The following FRMD5 variants were observed in gnomAD, a reference collection of about 807,000 sequenced individuals.
The protein encoded by FRMD5 is FERM domain containing 5.
A neutral mutation model predicts 69.0 loss-of-function variants in FRMD5; 20 were observed. The observed-to-expected ratio is 0.29, with a 90% confidence interval of 0.20 to 0.42. The LOEUF (loss-of-function observed/expected upper bound fraction) is 0.42, where lower values mean the gene tolerates loss of function less well. FRMD5 is among the 10% of genes least tolerant of loss of function. The pLI is 1.00. For synonymous variants in FRMD5, 271 were observed against 260.1 expected, an observed-to-expected ratio of 1.04 and a Z score of -0.40; for missense variants, 595 against 708.6, an observed-to-expected ratio of 0.84 and a Z score of 1.82.
At chr15:44,171,665 C>T (rs2077806264) in intron 1 of FRMD5, among the ~76,000 whole-genome samples, 1 of 152,112 alleles carries the variant, frequency 6.6e-6, no homozygotes, top group Non-Finnish European at 1.5e-5. Flanking sequence ...GATACTTCAC[C>T]TACCCCATTC....
chr15:44,135,142 C>T (rs2077163078), intron 1 of FRMD5, among the ~76,000 whole-genome samples: 1 of 152,156 alleles, frequency 6.6e-6, no homozygotes, highest in Non-Finnish European at 1.5e-5. Context: ...CAAACTATAC[C>T]TCAGAGTACT....
intron 1 of FRMD5, among the ~76,000 whole-genome samples, chr15:44,044,821 T>C (rs1178111271): frequency 1.3e-5 from 2 of 152,150 alleles, no homozygotes; most frequent in African/African-American, 2.4e-5. Context: ...AAATGACTGG[T>C]TGATGGGTGC....
intron 1 of FRMD5, among the ~76,000 whole-genome samples, chr15:44,014,232 G>C (rs1315554183): frequency 6.6e-6 from 1 of 152,056 alleles, no homozygotes; most frequent in Admixed American, 6.6e-5. Context: ...AGCTGTGATG[G>C]GGGGAAAAGC....
At chr15:44,160,453 A>G (rs573849464) in intron 1 of FRMD5, among the ~76,000 whole-genome samples, 97 of 152,360 alleles carry the variant, frequency 6.4e-4, no homozygotes, top group African/African-American at 2.3e-3. Flanking sequence ...TCATTTTGAA[A>G]TGCAAATGGA....
intron 1 of FRMD5, among the ~76,000 whole-genome samples, chr15:43,949,718 A>G (rs759099596): frequency 3.3e-5 from 5 of 152,180 alleles, no homozygotes; most frequent in African/African-American, 9.7e-5. Context: ...AAGCAGTCCA[A>G]TTAGGCAATG....
intron 1 of FRMD5, among the ~76,000 whole-genome samples, chr15:43,930,172 T>C (rs2089650663): frequency 1.3e-5 from 2 of 152,192 alleles, no homozygotes; most frequent in Admixed American, 1.3e-4. Context: ...CCTGCTGAGC[T>C]CTTGGCCCAG....
At chr15:43,876,543 G>C (rs2088362013) in intron 13 of FRMD5, among the ~76,000 whole-genome samples, 1 of 152,200 alleles carries the variant, frequency 6.6e-6, no homozygotes, top group South Asian at 2.1e-4. Flanking sequence ...AGGTAGGAAT[G>C]GGGAGAAGGG....
rs113280316 is a variant in FRMD5, at chr15:44,026,155, A to T, written c.103-101846T>A. 7.4e-3 allele frequency among the ~76,000 whole-genome samples: 1,128 copies of T among 152,094 alleles called. 21 individuals are homozygous for T. The highest frequency in any genetic ancestry group is 0.026 in the African/African-American group (1,078 of 41,482). The stretch of plus-strand genomic sequence containing the variant: ...ACCAAGCCTGGCTCATTGTTTTTGT[A>T]TTTTTGGTAGAGACAGGGTTTCGCC... On this transcript the variant is annotated intron_variant, in intron 1 of 13. Transcript: ENST00000417257.
At chr15:44,130,711 A>G (rs1002244394) in intron 1 of FRMD5, among the ~76,000 whole-genome samples, 1 of 152,182 alleles carries the variant, frequency 6.6e-6, no homozygotes, top group Non-Finnish European at 1.5e-5. Flanking sequence ...AATGGAAAAA[A>G]GTAAGAGGGA....
At chr15:44,187,219 T>C (rs975246813) in intron 1 of FRMD5, among the ~76,000 whole-genome samples, 61 of 152,352 alleles carry the variant, frequency 4.0e-4, no homozygotes, top group African/African-American at 1.2e-3. Flanking sequence ...AGAATGAAGA[T>C]TGAAATCTGA....
At chr15:44,065,626 T>C (rs546135232) in intron 1 of FRMD5, among the ~76,000 whole-genome samples, 4 of 152,306 alleles carry the variant, frequency 2.6e-5, no homozygotes, top group African/African-American at 9.6e-5. Context: ...TGAGAATATA[T>C]TGATTTTGGT....
intron 1 of FRMD5, 115 bp downstream of exon 1, chr15:44,194,838 A>G: frequency 1.1e-6 from 1 of 910,452 alleles, no homozygotes; most frequent in Non-Finnish European, 1.7e-6. Context: ...AGGAACGGAC[A>G]AAGCACGGCG....
At chr15:44,076,179 T>C (rs1893756085) in intron 1 of FRMD5, among the ~76,000 whole-genome samples, 1 of 152,136 alleles carries the variant, frequency 6.6e-6, no homozygotes, top group African/African-American at 2.4e-5. Context: ...TTGGTGGGAC[T>C]GTAAACTAGT....
chr15:44,027,043 A>G (rs1891459356), intron 1 of FRMD5, among the ~76,000 whole-genome samples: 1 of 152,238 alleles, frequency 6.6e-6, no homozygotes, highest in Non-Finnish European at 1.5e-5. Context: ...TCTGAGCTAT[A>G]TCGCTTGCAT....
At chr15:43,936,008 T>C (rs953192442) in intron 1 of FRMD5, among the ~76,000 whole-genome samples, 7 of 152,280 alleles carry the variant, frequency 4.6e-5, no homozygotes, top group Non-Finnish European at 8.8e-5. Flanking sequence ...AAAAGCCATC[T>C]TTTCTCTGAT....
intron 1 of FRMD5, among the ~76,000 whole-genome samples, chr15:43,987,355 T>G (rs933231287): frequency 6.6e-6 from 1 of 152,188 alleles, no homozygotes; most frequent in South Asian, 2.1e-4. Flanking sequence ...GCTACTCCAG[T>G]GAACACATGA....
intron 1 of FRMD5, among the ~76,000 whole-genome samples, chr15:44,030,967 G>C (rs1430366914): frequency 5.4e-5 from 2 of 37,288 alleles, no homozygotes; most frequent in Admixed American, 4.5e-4. Flanking sequence ...AAAGAGACCA[G>C]AAAAAGAAAA....
chr15:44,016,726 A>G (rs1413161622), intron 1 of FRMD5, among the ~76,000 whole-genome samples: 2 of 152,082 alleles, frequency 1.3e-5, no homozygotes, highest in African/African-American at 4.8e-5. Flanking sequence ...CCATCTCAAA[A>G]ACAAAACAAA....
chr15:44,192,076 C>G (rs1355771339), intron 1 of FRMD5, among the ~76,000 whole-genome samples: 1 of 151,762 alleles, frequency 6.6e-6, no homozygotes, highest in Admixed American at 6.6e-5. Flanking sequence ...TACTACAACC[C>G]TCCTATGTAT....
Sources: allele counts gnomAD v4.1 joint callset (sites outside exome capture counted in the v4.1 genomes callset), GRCh38; gene constraint gnomAD v4.1.1; transcripts MANE v1.5; gene names NCBI Gene and HGNC (gene_info 2026-07-23, HGNC 2026-07-21).